The following MALRD1 variants were observed in gnomAD, a reference collection of about 807,000 sequenced individuals.
MALRD1 encodes MAM and LDL receptor class A domain containing 1, also known as MAM and LDL-receptor class A domain-containing protein 1.
Under a neutral mutation model 242.1 loss-of-function variants are expected in MALRD1, and 247 were observed. That is an observed-to-expected ratio of 1.02 (90% CI 0.92 to 1.13). MALRD1 has a LOEUF of 1.13. MALRD1 is among the 50% of genes most tolerant of loss of function. The pLI is 0.00. For missense variants in MALRD1, 2,989 were observed against 2,533.1 expected, an observed-to-expected ratio of 1.18 and a Z score of -3.86; for synonymous variants, 995 against 866.6, an observed-to-expected ratio of 1.15 and a Z score of -2.60.
At chr10:19,492,265 A>T (rs1837525635) in intron 30 of MALRD1, among the ~76,000 whole-genome samples, 1 of 152,064 alleles carries the variant, frequency 6.6e-6, no homozygotes, top group South Asian at 2.1e-4. Flanking sequence ...AAAAAAGGAT[A>T]TTTTTTCCAT....
intron 28 of MALRD1, among the ~76,000 whole-genome samples, chr10:19,430,151 G>C (rs901804980): frequency 1.9e-5 from 2 of 107,786 alleles, no homozygotes; most frequent in Admixed American, 2.8e-4. Flanking sequence ...GGCTCACTCT[G>C]TTGCCCAGGC....
At chr10:19,202,635 A>G (rs1413401537) in intron 14 of MALRD1, among the ~76,000 whole-genome samples, 3 of 152,144 alleles carry the variant, frequency 2.0e-5, no homozygotes, top group South Asian at 4.1e-4. Flanking sequence ...GGGTGTGTCT[A>G]TGCGTTTTAT....
At chr10:19,712,992 C>T (rs1007993694) in intron 38 of MALRD1, among the ~76,000 whole-genome samples, 4 of 151,922 alleles carry the variant, frequency 2.6e-5, no homozygotes, top group African/African-American at 9.7e-5. Flanking sequence ...ATCCATTATA[C>T]TCCAATGTTT....
chr10:19,205,379 G>C, intron 17 of MALRD1, 114 bp downstream of exon 17: 1 of 1,259,720 alleles, frequency 7.9e-7, no homozygotes, highest in Non-Finnish European at 1.0e-6. Flanking sequence ...CTCCAAAGCT[G>C]ATGAATGTTA....
At chr10:19,519,827 G>A (rs1393481775) in intron 31 of MALRD1, among the ~76,000 whole-genome samples, 2 of 152,130 alleles carry the variant, frequency 1.3e-5, no homozygotes, top group Non-Finnish European at 2.9e-5. Flanking sequence ...CAATGATTAA[G>A]TAAATACTTT....
At chr10:19,282,988 C>T in intron 20 of MALRD1, 31 bp from the exon 21 acceptor site, 2 of 1,470,416 alleles carry the variant, frequency 1.4e-6, no homozygotes, top group East Asian at 2.6e-5. Flanking sequence ...CACTTACTAG[C>T]TCACCTTTTC....
rs1178410946 is a variant in MALRD1 at position 19,051,921 on chromosome 10, C to CAA, written c.199+2814_199+2815dup. On this transcript the variant is annotated intron_variant, in intron 1 of 39. Transcript: ENST00000454679. Reference sequence around the variant, plus strand: ...TGGGCGACAGAGCGAGACTCCGTCTCAAAAAAAAAAAAAAAAAAAAAAAAA... The same window carrying CAA: ...TGGGCGACAGAGCGAGACTCCGTCTCAAAAAAAAAAAAAAAAAAAAAAAAAAA... The CAA allele has an allele frequency of 5.9e-3, 370 of 62,730 alleles. 23 individuals carry two copies. The highest frequency in any genetic ancestry group is 0.011 in the East Asian group (31 of 2,784). 3.9% of individuals were successfully genotyped at this position (62,730 alleles called of 1,614,324 possible).
chr10:19,613,915 C>G (rs61841439), intron 35 of MALRD1, among the ~76,000 whole-genome samples: 419 of 152,138 alleles, frequency 2.8e-3, no homozygotes, highest in Non-Finnish European at 4.4e-3. Flanking sequence ...CTGATTCTCT[C>G]TGGAAAGCTT....
intron 38 of MALRD1, among the ~76,000 whole-genome samples, chr10:19,693,678 C>G (rs1016819593): frequency 6.6e-6 from 1 of 152,026 alleles, no homozygotes; most frequent in African/African-American, 2.4e-5. Context: ...TCAATGCCAT[C>G]CCCATCAAGC....
At position 19,670,504 on chromosome 10, in the gene MALRD1, A is replaced by G. The variant is rs150736656; in HGVS notation, c.6138-21778A>G. Among the ~76,000 whole-genome samples, 3 of 152,304 alleles carry G rather than the reference A, an allele frequency of 2.0e-5. No homozygotes were observed. The East Asian group carries it at 5.8e-4, about 29-fold the overall frequency. On this transcript the variant is annotated intron_variant, in intron 36 of 39. Transcript: ENST00000454679. ...TGTCTGCTGAATTATCAACAAGCAGATTCACATGGCCACCCTAAAACAAGA... is the reference window on the plus strand; with the variant it reads ...TGTCTGCTGAATTATCAACAAGCAGGTTCACATGGCCACCCTAAAACAAGA...
chr10:19,407,946 A>T (rs1004993160), intron 28 of MALRD1, among the ~76,000 whole-genome samples: 3 of 152,198 alleles, frequency 2.0e-5, no homozygotes, highest in Non-Finnish European at 4.4e-5. Context: ...GGGTGTTTCC[A>T]TAACACTGTT....
chr10:19,109,493 G>C, intron 5 of MALRD1, among the ~76,000 whole-genome samples: 1 of 152,222 alleles, frequency 6.6e-6, no homozygotes, highest in East Asian at 1.9e-4. Flanking sequence ...CATCTCATAA[G>C]CTTGGCCACC....
At chr10:19,157,485 G>C (rs137873494) in intron 12 of MALRD1, among the ~76,000 whole-genome samples, 276 of 152,060 alleles carry the variant, frequency 1.8e-3, no homozygotes, top group African/African-American at 5.9e-3. Flanking sequence ...CTGACCTCGT[G>C]ATTCACCCAC....
chr10:19,121,612 GT>G (rs144040503), intron 5 of MALRD1, among the ~76,000 whole-genome samples: 38,588 of 151,918 alleles, frequency 0.25, 5,321 homozygotes, highest in East Asian at 0.52. Context: ...ACACATCGTT[GT>G]AAATGAGAGG....
intron 36 of MALRD1, among the ~76,000 whole-genome samples, chr10:19,674,274 C>G (rs1842048404): frequency 6.6e-6 from 1 of 152,128 alleles, no homozygotes; most frequent in African/African-American, 2.4e-5. Flanking sequence ...GATATGATGC[C>G]TACAACCTAG....
chr10:19,171,783 CAT>C (rs1834979618), intron 13 of MALRD1, among the ~76,000 whole-genome samples: 1 of 139,806 alleles, frequency 7.2e-6, no homozygotes, highest in African/African-American at 2.6e-5. Context: ...ATATATATAT[CAT>C]ATATACATAT....
intron 18 of MALRD1, among the ~76,000 whole-genome samples, chr10:19,237,704 A>G (rs1395546194): frequency 8.6e-6 from 1 of 115,830 alleles, no homozygotes; most frequent in African/African-American, 3.4e-5. Context: ...ATACATAATT[A>G]TATATATATT....
intron 33 of MALRD1, among the ~76,000 whole-genome samples, chr10:19,572,300 A>G (rs1233520376): frequency 6.6e-6 from 1 of 152,208 alleles, no homozygotes; most frequent in Non-Finnish European, 1.5e-5. Context: ...CCAAGAGAGA[A>G]ATGTGTTTTC....
At chr10:19,487,252 A>G (rs1371226400) in intron 29 of MALRD1, among the ~76,000 whole-genome samples, 1 of 152,094 alleles carries the variant, frequency 6.6e-6, no homozygotes, top group Admixed American at 6.5e-5. Context: ...ATTTTGGCTG[A>G]ATAAAAAATA....
Sources: allele counts gnomAD v4.1 joint callset (sites outside exome capture counted in the v4.1 genomes callset), GRCh38; gene constraint gnomAD v4.1.1; transcripts MANE v1.5; gene names NCBI Gene and HGNC (gene_info 2026-07-23, HGNC 2026-07-21).